The following ZNF557 variants were observed in gnomAD, a reference collection of about 807,000 sequenced individuals.
ZNF557 encodes the protein CTB-25J19.9.
Under a neutral mutation model 21.2 loss-of-function variants are expected in ZNF557, and 19 were observed. That is an observed-to-expected ratio of 0.90 (90% CI 0.63 to 1.32). ZNF557 has a LOEUF of 1.32. Among genes scored for constraint, ZNF557 ranks in the 40% most tolerant of loss-of-function variants. The pLI is 0.00. For synonymous variants in ZNF557, 207 were observed against 194.8 expected, an observed-to-expected ratio of 1.06 and a Z score of -0.52; for missense variants, 487 against 519.8, an observed-to-expected ratio of 0.94 and a Z score of 0.61.
At chr19:7,078,470 G>A (rs936708120) in intron 5 of ZNF557, among the ~76,000 whole-genome samples, 5 of 143,382 alleles carry the variant, frequency 3.5e-5, no homozygotes, top group East Asian at 2.0e-4. Context: ...TCACTCTGTC[G>A]CCCAGGCTGG....
At chr19:7,071,121 T>G (rs1301942997) in intron 2 of ZNF557, among the ~76,000 whole-genome samples, 2 of 152,216 alleles carry the variant, frequency 1.3e-5, no homozygotes, top group Non-Finnish European at 1.5e-5. Context: ...CTAAGGGGTG[T>G]GTGATAATGT....
rs67706963 is a variant in ZNF557, at chr19:7,087,697, A to AGTGT, written c.*3954_*3955insTGTG. ...TGGTTAAAACCAAAGAGAGAGAGAG[A>AGTGT]GAGAGTGTGTGTGTGTGTGTGTGTG... On this transcript the variant is annotated 3_prime_UTR_variant, in exon 8 of 8. Transcript: ENST00000252840. 0.34 allele frequency: 49,470 copies of AGTGT among 146,148 alleles called. 7,884 individuals are homozygous for AGTGT. Among genetic ancestry groups the AGTGT allele is most frequent in the Non-Finnish European group, 0.35 (23,269 of 66,142 alleles). The allele number at this position is 146,148 out of a possible 1,614,324, so 9.1% of individuals were successfully genotyped here. A position where few individuals can be genotyped will look rare whatever the true frequency, so the allele number is the denominator to read the frequency against.
At chr19:7,076,626 T>A in intron 5 of ZNF557, 119 bp downstream of exon 5, 1 of 1,437,050 alleles carries the variant, frequency 7.0e-7, no homozygotes, top group Non-Finnish European at 9.3e-7. Context: ...TTTTAAAGTG[T>A]CCAATTTGGT....
chr19:7,074,327 T>TACAC (rs1491307721), intron 2 of ZNF557, among the ~76,000 whole-genome samples: 33 of 27,818 alleles, frequency 1.2e-3, no homozygotes, highest in African/African-American at 4.4e-3. Flanking sequence ...TCTTTGTGTG[T>TACAC]ATATACACAC....
chr19:7,082,149 C>T lies in ZNF557; in HGVS notation c.426+97C>T, dbSNP rs1036011402. 90 of 941,214 alleles carry T rather than the reference C, an allele frequency of 9.6e-5. 1 individual carries two copies. The highest frequency in any genetic ancestry group is 8.7e-4 in the Middle Eastern group (3 of 3,436). The allele number at this position is 941,214 out of a possible 1,614,324, so 58.3% of individuals were successfully genotyped here. ...TGGCCTTGTTGGCCAGGCACAGTGGCTCATGCCTTTAATCCCAGCACCTTG... is the reference window on the plus strand; with the variant it reads ...TGGCCTTGTTGGCCAGGCACAGTGGTTCATGCCTTTAATCCCAGCACCTTG... On this transcript the variant is annotated intron_variant, in intron 7 of 7. Transcript: ENST00000252840.
intron 5 of ZNF557, among the ~76,000 whole-genome samples, chr19:7,078,843 A>C (rs1430460115): frequency 6.6e-6 from 1 of 151,792 alleles, no homozygotes; most frequent in Non-Finnish European, 1.5e-5. Context: ...GGCTCTGTTC[A>C]TTTTTTTCCC....
chr19:7,081,669 GA>G (rs1977709967), intron 6 of ZNF557, among the ~76,000 whole-genome samples: 2 of 152,136 alleles, frequency 1.3e-5, no homozygotes, highest in Admixed American at 1.3e-4. Flanking sequence ...GGCCTCAGGG[GA>G]GAAAAAAAGA....
chr19:7,072,064 C>T (rs569611068), intron 2 of ZNF557, among the ~76,000 whole-genome samples: 13 of 145,616 alleles, frequency 8.9e-5, no homozygotes, highest in African/African-American at 2.3e-4. Flanking sequence ...TGCAGTGAGC[C>T]GAGATCATGC....
Position 7,083,882 on chromosome 19 carries a change from C to T in ZNF557, c.*138C>T. On this transcript the variant is annotated 3_prime_UTR_variant, in exon 8 of 8. Coordinates refer to ENST00000252840, the MANE Select transcript of ZNF557 (RefSeq NM_024341.3). ...AATTTTGTGGCTTCAAACAAAAACA[C>T]TTGTTATCTCAAAATTTTTGTAGGT... is the stretch of plus-strand genomic sequence containing the variant. 9.7e-7 allele frequency: 1 copy of T among 1,036,002 alleles called. No homozygotes were observed. The allele number at this position is 1,036,002 out of a possible 1,614,324, so 64.2% of individuals were successfully genotyped here.
At chr19:7,075,513 G>C (rs2914570) in intron 3 of ZNF557, 142 bp from the exon 4 acceptor site, 677,497 of 784,838 alleles carry the variant, frequency 0.86, 293,272 homozygotes, top group Non-Finnish European at 0.88. Flanking sequence ...GTTGGTGTTT[G>C]CTTGGAGTAG....
chr19:7,073,540 A>G lies in ZNF557; in HGVS notation c.-79-1456A>G, dbSNP rs1254640960. Among the ~76,000 whole-genome samples the G allele has an allele frequency of 2.0e-5, 3 of 152,132 alleles. No individual in the cohort carries two copies. In the East Asian group the frequency reaches 5.8e-4, roughly 29 times the overall value. On this transcript the variant is annotated intron_variant, in intron 2 of 7. Transcript: ENST00000252840. ...ACAAATATATAAACTTTTCACATGT[A>G]TATGTGAATTTTGGGGGTTCTGTTA... is the stretch of plus-strand genomic sequence containing the variant.
Position 7,085,445 on chromosome 19 carries a change from C to T in ZNF557, c.*1701C>T, listed in dbSNP as rs556371317. ...TCCCAAAATGCTGGGAATACAGGAACGAGCTACCACTCTCAGCCAGAACTT... is the reference window on the plus strand; with the variant it reads ...TCCCAAAATGCTGGGAATACAGGAATGAGCTACCACTCTCAGCCAGAACTT... On this transcript the variant is annotated 3_prime_UTR_variant, in exon 8 of 8. Coordinates refer to ENST00000252840, the MANE Select transcript of ZNF557 (RefSeq NM_024341.3). 2.6e-5 allele frequency: 4 copies of T among 152,108 alleles called. No homozygotes were observed. The highest frequency in any genetic ancestry group is 9.7e-5 in the African/African-American group (4 of 41,420). 9.4% of individuals were successfully genotyped at this position (152,108 alleles called of 1,614,324 possible).
intron 3 of ZNF557, 49 bp from the exon 4 acceptor site, chr19:7,075,606 T>C (rs759764463): frequency 3.8e-5 from 61 of 1,589,732 alleles, no homozygotes; most frequent in Admixed American, 3.0e-4. Context: ...GATGTGTGAG[T>C]GGACACAGGG....
At chr19:7,077,132 CTT>C (rs4031071) in intron 5 of ZNF557, among the ~76,000 whole-genome samples, 1 of 78,368 alleles carries the variant, frequency 1.3e-5, no homozygotes. Context: ...TGTTTTCTTT[CTT>C]TTTTTTTTTT....
rs1290727306 is a variant in ZNF557, at chr19:7,086,075, AC to A, written c.*2332del. On this transcript the variant is annotated 3_prime_UTR_variant, in exon 8 of 8. Coordinates refer to ENST00000252840, the MANE Select transcript of ZNF557 (RefSeq NM_024341.3). ...TGAAACCCCGCTTCTACTAAAAAATACAAAAATTAGCCGGGTGTGGTGGCAG... is the reference window on the plus strand; with the variant it reads ...TGAAACCCCGCTTCTACTAAAAAATAAAAAATTAGCCGGGTGTGGTGGCAG... 4 of 151,798 alleles carry A rather than the reference AC, an allele frequency of 2.6e-5. No homozygotes were observed. The highest frequency in any genetic ancestry group is 4.4e-5 in the Non-Finnish European group (3 of 67,984). The allele number at this position is 151,798 out of a possible 1,614,324, so 9.4% of individuals were successfully genotyped here.
At chr19:7,078,889 C>T (rs1977636691) in intron 5 of ZNF557, among the ~76,000 whole-genome samples, 1 of 152,114 alleles carries the variant, frequency 6.6e-6, no homozygotes, top group Non-Finnish European at 1.5e-5. Context: ...ATCAGGCAAT[C>T]TTAATTGACC....
intron 5 of ZNF557, among the ~76,000 whole-genome samples, chr19:7,080,651 T>G (rs990352694): frequency 7.2e-5 from 11 of 152,178 alleles, no homozygotes; most frequent in Non-Finnish European, 1.5e-4. Flanking sequence ...AAACACAGGT[T>G]GTTGTCCTCA....
chr19:7,087,768 T>C lies in ZNF557; in HGVS notation c.*4024T>C, dbSNP rs939286077. ...TTAGCTTCCAGGTGAATGCATTATC[T>C]GTTAATCCTGTTTATTGATCTGTTT... On this transcript the variant is annotated 3_prime_UTR_variant, in exon 8 of 8. Transcript: ENST00000252840. The C allele has an allele frequency of 2.0e-5, 3 of 150,214 alleles. No homozygotes were observed. The highest frequency in any genetic ancestry group is 2.0e-4 in the Admixed American group (3 of 15,138). 9.3% of individuals were successfully genotyped at this position (150,214 alleles called of 1,614,324 possible).
At chr19:7,081,092 C>T (rs1977688083) in intron 5 of ZNF557, among the ~76,000 whole-genome samples, 1 of 151,186 alleles carries the variant, frequency 6.6e-6, no homozygotes, top group South Asian at 2.1e-4. Context: ...TGTATTTAAA[C>T]CTGGACAGGG....
Sources: gnomAD v4.1 joint callset for allele counts (sites outside exome capture counted in the v4.1 genomes callset) on GRCh38, gnomAD v4.1.1 for gene constraint, MANE v1.5 for transcripts, NCBI Gene and HGNC (gene_info 2026-07-23, HGNC 2026-07-21) for gene names.